NIBAN2: variants seen among roughly 807,000 people sequenced by gnomAD.
The protein encoded by NIBAN2 is niban apoptosis regulator 2.
NIBAN2 carries 36 observed loss-of-function variants against 81.8 expected under a neutral mutation model. The ratio of observed to expected loss-of-function variants is 0.44; its 90% CI spans 0.34 to 0.58. The LOEUF is 0.58. NIBAN2 is among the 20% of genes least tolerant of loss of function. NIBAN2 has a pLI of 0.02. For missense variants in NIBAN2, 897 were observed against 1,014.1 expected (o/e 0.88, Z 1.57); for synonymous variants, 445 against 441.6 (o/e 1.01, Z -0.10).
At chr9:127,568,704 GC>G in intron 1 of NIBAN2, 115 bp downstream of exon 1, 2 of 944,892 alleles carry the variant, frequency 2.1e-6, no homozygotes, top group Non-Finnish European at 2.7e-6. Flanking sequence ...GCTCCCACCG[GC>G]CCGGCCTGAC....
chr9:127,522,102 C>A (rs1377566932), intron 5 of NIBAN2, among the ~76,000 whole-genome samples: 2 of 152,154 alleles, frequency 1.3e-5, no homozygotes. Flanking sequence ...CTGGGCCAGG[C>A]AGCCAGAGCC....
intron 1 of NIBAN2, among the ~76,000 whole-genome samples, chr9:127,553,672 T>C (rs1837617783): frequency 6.6e-6 from 1 of 152,206 alleles, no homozygotes; most frequent in African/African-American, 2.4e-5. Flanking sequence ...GCCACCCAAG[T>C]TCTATGCCAG....
Position 127,527,313 on chromosome 9 carries a change from C to T in NIBAN2, c.196G>A (p.Asp66Asn), listed in dbSNP as rs143489395. 6.9e-5 allele frequency: 111 copies of T among 1,613,432 alleles called. No homozygotes were observed. The Admixed American group carries it at 7.8e-4, about 11-fold the overall frequency. The change falls in exon 3 of 14, where the codon GAC (aspartate) becomes AAC (asparagine). Residue 66 changes from aspartate to asparagine, a missense_variant. Asp to Asn is a conservative substitution (Grantham distance 23, BLOSUM62 1). Coordinates refer to ENST00000373312, the MANE Select transcript of NIBAN2 (RefSeq NM_022833.4). ...AQLLWRKVPL[D>N]ERIVFSGNLF... ...TTCCCCGAGAAGACGATGCGCTCGT[C>T]CAGTGGCACCTGTGGGCAGGAGCGG...
rs564862385 is a variant in NIBAN2, at chr9:127,552,156, C to T, written c.55+16664G>A. Among the ~76,000 whole-genome samples, 7 of 152,370 alleles carry T rather than the reference C, an allele frequency of 4.6e-5. No homozygotes were observed. In the East Asian group the frequency reaches 1.3e-3, roughly 29 times the overall value. ...GTTGAGGACCATGGCCGCCTCCCCACCCAGCACCCCCAGTCCCAGCACACA... is the reference window on the plus strand; with the variant it reads ...GTTGAGGACCATGGCCGCCTCCCCATCCAGCACCCCCAGTCCCAGCACACA... On this transcript the variant is annotated intron_variant, in intron 1 of 13. Coordinates refer to ENST00000373312, the MANE Select transcript of NIBAN2 (RefSeq NM_022833.4).
chr9:127,569,710 T>C (rs1452765208), upstream of NIBAN2, among the ~76,000 whole-genome samples: 1 of 152,092 alleles, frequency 6.6e-6, no homozygotes, highest in Non-Finnish European at 1.5e-5. Flanking sequence ...TGCCCGCTGG[T>C]CTTGCACAAC....
intron 1 of NIBAN2, among the ~76,000 whole-genome samples, chr9:127,574,478 C>T (rs924482480): frequency 2.0e-5 from 3 of 152,042 alleles, no homozygotes; most frequent in Admixed American, 6.6e-5. Flanking sequence ...GAGCTTGGAC[C>T]GAGACTCAGA....
chr9:127,562,833 C>G (rs901878228), intron 1 of NIBAN2, among the ~76,000 whole-genome samples: 1 of 152,182 alleles, frequency 6.6e-6, no homozygotes, highest in Admixed American at 6.5e-5. Flanking sequence ...AAGTGACCCT[C>G]TGTCCTCAAA....
At chr9:127,538,717 G>A (rs988288513) in intron 1 of NIBAN2, among the ~76,000 whole-genome samples, 1 of 151,742 alleles carries the variant, frequency 6.6e-6, no homozygotes, top group Non-Finnish European at 1.5e-5. Flanking sequence ...GGCCGAGGCA[G>A]GCAGATCACT....
In NIBAN2 at chr9:127,559,686, G is replaced by C. The variant is rs571689667; in HGVS notation, c.55+9134C>G. Among the ~76,000 whole-genome samples, 6 of 152,342 alleles carry C rather than the reference G, an allele frequency of 3.9e-5. No homozygotes were observed. In the South Asian group the frequency reaches 1.2e-3, roughly 32 times the overall value. ...ACAGATGGGCAGGTGGGAAAGTGGG[G>C]TCTGCACTTTGCAAACCACAGTTCA... On this transcript the variant is annotated intron_variant, in intron 1 of 13. Transcript: ENST00000373312. The surrounding 1 kb of genome is among the most constrained non-coding windows in gnomAD (Gnocchi z 4.0).
chr9:127,557,463 A>T (rs1228747823), intron 1 of NIBAN2, among the ~76,000 whole-genome samples: 2 of 145,520 alleles, frequency 1.4e-5, no homozygotes, highest in Admixed American at 6.8e-5. Context: ...CACACAGGGG[A>T]CTGCAGGAAG....
At chr9:127,557,992 A>C (rs1381623755) in intron 1 of NIBAN2, among the ~76,000 whole-genome samples, 1 of 151,994 alleles carries the variant, frequency 6.6e-6, no homozygotes, top group Non-Finnish European at 1.5e-5. Context: ...AGGAGGGCTG[A>C]CCCCAGGAGA....
intron 1 of NIBAN2, among the ~76,000 whole-genome samples, chr9:127,548,840 G>A (rs1460191858): frequency 6.6e-6 from 1 of 152,150 alleles, no homozygotes; most frequent in Non-Finnish European, 1.5e-5. Flanking sequence ...GGGAAGTCCA[G>A]CCGTAGCCAC....
At chr9:127,538,832 C>T (rs1486933044) in intron 1 of NIBAN2, among the ~76,000 whole-genome samples, 5 of 151,012 alleles carry the variant, frequency 3.3e-5, no homozygotes, top group Admixed American at 6.6e-5. Flanking sequence ...GTAATCCCAG[C>T]TACTTGGGAG....
At chr9:127,531,912 C>G in intron 1 of NIBAN2, 134 bp from the exon 2 acceptor site, 1 of 1,208,558 alleles carries the variant, frequency 8.3e-7, no homozygotes, top group Non-Finnish European at 1.1e-6. Context: ...TCCTCGCGCT[C>G]ATCTGCGCTG....
At chr9:127,558,654 A>G (rs1210032726) in intron 1 of NIBAN2, among the ~76,000 whole-genome samples, 2 of 152,024 alleles carry the variant, frequency 1.3e-5, no homozygotes, top group Non-Finnish European at 2.9e-5. Flanking sequence ...AGGCCTGCCC[A>G]CCCCAAAGCT....
chr9:127,529,215 G>A (rs75021816), intron 2 of NIBAN2, among the ~76,000 whole-genome samples: 5 of 152,202 alleles, frequency 3.3e-5, no homozygotes, highest in African/African-American at 9.6e-5. Flanking sequence ...CGGCACCACC[G>A]ACTGCCAGAT....
chr9:127,517,196 C>T lies in NIBAN2; in HGVS notation c.726G>A (p.Met242Ile), dbSNP rs1263298439. 2 of 1,613,850 alleles carry T rather than the reference C, an allele frequency of 1.2e-6. No individual in the cohort carries two copies. The highest frequency in any genetic ancestry group is 2.7e-5 in the African/African-American group (2 of 74,936). Reference sequence around the variant, plus strand: ...CCTTCAGCTCAGGGCCCAGCTCCTCCATCACCAGGTTGCTCAGGATCTAGG... The same window carrying T: ...CCTTCAGCTCAGGGCCCAGCTCCTCTATCACCAGGTTGCTCAGGATCTAGG... Reference protein sequence around the residue: ...NEVQILSNLVMEELGPELKAE... With the variant: ...NEVQILSNLVIEELGPELKAE... Residue 242 changes from methionine (M) to isoleucine (I), a missense_variant, in exon 7 of 14, where the codon ATG (methionine) becomes ATA (isoleucine). By Grantham distance (10) the Met-to-Ile change is conservative. Transcript: ENST00000373312. The surrounding 1 kb of genome is among the most constrained non-coding windows in gnomAD (Gnocchi z 4.0).
In NIBAN2 at chr9:127,545,129, C is replaced by T. The variant is rs939301975; in HGVS notation, c.56-13351G>A. On this transcript the variant is annotated intron_variant, in intron 1 of 13. Coordinates refer to ENST00000373312, the MANE Select transcript of NIBAN2 (RefSeq NM_022833.4). This position sits in a 1 kb window ranked among gnomAD's most constrained non-coding sequence, Gnocchi z 4.7. Reference sequence around the variant, plus strand: ...TTCCTCCTCAGCGGAGGAAATCTGGCCTCTGGCCTTGGGGTCCCACGTCTA... The same window carrying T: ...TTCCTCCTCAGCGGAGGAAATCTGGTCTCTGGCCTTGGGGTCCCACGTCTA... Among the ~76,000 whole-genome samples, 10 of 152,328 alleles carry T rather than the reference C, an allele frequency of 6.6e-5. No individual in the cohort carries two copies. The highest frequency in any genetic ancestry group is 2.4e-4 in the African/African-American group (10 of 41,574).
Position 127,524,954 on chromosome 9 carries a change from C to A in NIBAN2, c.421+104G>T, listed in dbSNP as rs187032114. On this transcript the variant is annotated intron_variant, in intron 4 of 13. Coordinates refer to ENST00000373312, the MANE Select transcript of NIBAN2 (RefSeq NM_022833.4). ...ACAGCTCTAAGCCTAGTTGGTCTCT[C>A]CGCAAACATGGGGCTGAAAGCAATG... 6.0e-6 allele frequency: 5 copies of A among 834,286 alleles called. No individual in the cohort carries two copies. The East Asian group carries it at 9.9e-5, about 16-fold the overall frequency. The allele number at this position is 834,286 out of a possible 1,614,324, so 51.7% of individuals were successfully genotyped here.
Sources: gnomAD v4.1 joint callset for allele counts (sites outside exome capture counted in the v4.1 genomes callset) on GRCh38, gnomAD v4.1.1 for gene constraint, Gnocchi (gnomAD v3.1) non-coding constraint, MANE v1.5 for transcripts, NCBI Gene and HGNC (gene_info 2026-07-23, HGNC 2026-07-21) for gene names.